Variants in PAQR5 observed in about 807,000 individuals in gnomAD.
PAQR5 encodes progestin and adipoQ receptor family member 5, also known as membrane progestin receptor gamma.
PAQR5 carries 20 observed loss-of-function variants against 34.5 expected under a neutral mutation model. The ratio of observed to expected loss-of-function variants is 0.58; its 90% CI spans 0.41 to 0.84. The LOEUF (loss-of-function observed/expected upper bound fraction) is 0.84, where lower values mean the gene tolerates loss of function less well. PAQR5 is among the 40% of genes least tolerant of loss of function. PAQR5 has a pLI of 0.00. For missense variants in PAQR5, 378 were observed against 412.7 expected (o/e 0.92, Z 0.73); for synonymous variants, 131 against 155.6 (o/e 0.84, Z 1.18).
At chr15:69,349,927 C>G (rs1367537290) in intron 2 of PAQR5, among the ~76,000 whole-genome samples, 1 of 152,088 alleles carries the variant, frequency 6.6e-6, no homozygotes, top group Non-Finnish European at 1.5e-5. Context: ...CAGGCGTGAG[C>G]CACGGTGCCC....
intron 1 of PAQR5, among the ~76,000 whole-genome samples, chr15:69,329,335 T>C (rs963128387): frequency 2.6e-4 from 40 of 151,796 alleles, no homozygotes; most frequent in African/African-American, 9.4e-4. Context: ...AGTAGATTGG[T>C]GGTTATCGGA....
At chr15:69,389,828 T>C (rs1185331735) in intron 6 of PAQR5, 48 bp downstream of exon 6, 3 of 1,604,112 alleles carry the variant, frequency 1.9e-6, no homozygotes, top group Admixed American at 1.7e-5. Context: ...GGGTCTTGCA[T>C]GCAGCTCCCT....
At chr15:69,336,821 T>C (rs992983426) in intron 1 of PAQR5, among the ~76,000 whole-genome samples, 3 of 152,242 alleles carry the variant, frequency 2.0e-5, no homozygotes, top group Non-Finnish European at 4.4e-5. Flanking sequence ...GGGAAACTTC[T>C]ATAATTCTGA....
intron 1 of PAQR5, among the ~76,000 whole-genome samples, chr15:69,336,111 TCTC>T (rs1440631366): frequency 6.6e-6 from 1 of 152,214 alleles, no homozygotes; most frequent in Non-Finnish European, 1.5e-5. Flanking sequence ...GAAAGCTAAG[TCTC>T]CTCTATCAGA....
At chr15:69,335,571 A>T (rs1337394361) in intron 1 of PAQR5, among the ~76,000 whole-genome samples, 26 of 77,424 alleles carry the variant, frequency 3.4e-4, no homozygotes, top group Admixed American at 2.7e-3. Context: ...TTTTTTTGAG[A>T]CAGAGTCTCA....
intron 8 of PAQR5, among the ~76,000 whole-genome samples, chr15:69,400,686 G>C (rs1263545815): frequency 6.6e-6 from 1 of 152,116 alleles, no homozygotes; most frequent in Non-Finnish European, 1.5e-5. Context: ...AAGAGAAAAA[G>C]TACATTGGGA....
rs143335512 is a variant in PAQR5 at position 69,331,732 on chromosome 15, C to T, written c.-276-5609C>T. ...GGAGTGGATCAGAAACAGGGAGCAACGGGAAAAAGTTTGAGCTTTACCAGA... is the reference window on the plus strand; with the variant it reads ...GGAGTGGATCAGAAACAGGGAGCAATGGGAAAAAGTTTGAGCTTTACCAGA... On this transcript the variant is annotated intron_variant, in intron 1 of 8. Transcript: ENST00000395407. Among the ~76,000 whole-genome samples the T allele has an allele frequency of 4.9e-3, 738 of 152,154 alleles. 13 individuals are homozygous for T. Among genetic ancestry groups the T allele is most frequent in the African/African-American group, 0.016 (678 of 41,506 alleles).
intron 1 of PAQR5, among the ~76,000 whole-genome samples, chr15:69,304,692 C>T (rs1219838405): frequency 6.6e-6 from 1 of 152,144 alleles, no homozygotes; most frequent in Non-Finnish European, 1.5e-5. Context: ...GTGAGTTTTG[C>T]CCAAGCCTCA....
rs201330461 is a variant in PAQR5, at chr15:69,390,320, TTTTATTTATTTATTTA to T, written c.512+568_512+583del. 7.5e-5 allele frequency among the ~76,000 whole-genome samples: 10 copies of T among 133,370 alleles called. 1 individual carries two copies. Among genetic ancestry groups the T allele is most frequent in the Admixed American group, 5.6e-4 (7 of 12,594 alleles). The allele number at this position is 133,370 out of a possible 152,430, so 87.5% of individuals were successfully genotyped here. On this transcript the variant is annotated intron_variant, in intron 6 of 8. Coordinates refer to ENST00000395407, the MANE Select transcript of PAQR5 (RefSeq NM_017705.4). ...CGTGAGCCATGGTGCCTGACCTGTTTTTTATTTATTTATTTATTTATTTATTTATTTATTTATTTAT... is the reference window on the plus strand; with the variant it reads ...CGTGAGCCATGGTGCCTGACCTGTTTTTTATTTATTTATTTATTTATTTAT...
chr15:69,312,163 G>C (rs1204657137), intron 1 of PAQR5, among the ~76,000 whole-genome samples: 1 of 152,176 alleles, frequency 6.6e-6, no homozygotes, highest in African/African-American at 2.4e-5. Flanking sequence ...AACTGAAAGA[G>C]GCTGGAGGAA....
At chr15:69,319,426 C>T (rs1236243990) in intron 1 of PAQR5, among the ~76,000 whole-genome samples, 3 of 151,262 alleles carry the variant, frequency 2.0e-5, no homozygotes, top group East Asian at 2.0e-4. Context: ...CCATGTGACC[C>T]GAACGAGCAC....
intron 3 of PAQR5, among the ~76,000 whole-genome samples, chr15:69,372,027 G>A (rs911281657): frequency 5.9e-5 from 9 of 152,184 alleles, no homozygotes; most frequent in African/African-American, 2.2e-4. Context: ...AATTTGGTAT[G>A]TGTTTCAGCA....
chr15:69,307,940 G>A lies in PAQR5; in HGVS notation c.-277+8884G>A, dbSNP rs562551110. On this transcript the variant is annotated intron_variant, in intron 1 of 8. Transcript: ENST00000395407. ...GGAGCAGCTGACTTGACAAGATGAGGAGTGGATAAACTTGGGCCTGGTGGC... is the reference window on the plus strand; with the variant it reads ...GGAGCAGCTGACTTGACAAGATGAGAAGTGGATAAACTTGGGCCTGGTGGC... 5.9e-5 allele frequency among the ~76,000 whole-genome samples: 9 copies of A among 152,334 alleles called. No homozygotes were observed. In the East Asian group the frequency reaches 1.5e-3, roughly 26 times the overall value.
At chr15:69,381,431 G>A (rs953964760) in intron 4 of PAQR5, among the ~76,000 whole-genome samples, 4 of 152,194 alleles carry the variant, frequency 2.6e-5, no homozygotes, top group Admixed American at 2.0e-4. Flanking sequence ...TCTGCTTGGT[G>A]TTCCATTTTC....
Position 69,310,054 on chromosome 15 carries a change from A to T in PAQR5, c.-277+10998A>T, listed in dbSNP as rs531864949. ...CAGAGTGAGACTCCATATTAAAAAA[A>T]AAACAAAAAAAACAAAACGAAACAA... On this transcript the variant is annotated intron_variant, in intron 1 of 8. Transcript: ENST00000395407. Among the ~76,000 whole-genome samples the T allele has an allele frequency of 7.7e-5, 7 of 90,862 alleles. No individual in the cohort carries two copies. The East Asian group carries it at 1.8e-3, about 23-fold the overall frequency. The allele number at this position is 90,862 out of a possible 152,430, so 59.6% of individuals were successfully genotyped here. A position where few individuals can be genotyped will look rare whatever the true frequency, so the allele number is the denominator to read the frequency against.
At chr15:69,375,693 C>T (rs2055687095) in intron 3 of PAQR5, among the ~76,000 whole-genome samples, 1 of 152,234 alleles carries the variant, frequency 6.6e-6, no homozygotes, top group Middle Eastern at 3.4e-3. Context: ...TGAATAAATG[C>T]CCTAACCTCT....
At chr15:69,365,388 G>A (rs535345589) in intron 3 of PAQR5, among the ~76,000 whole-genome samples, 13 of 152,292 alleles carry the variant, frequency 8.5e-5, no homozygotes, top group African/African-American at 1.9e-4. Context: ...GATTACAGGC[G>A]TGAGCCACCG....
At chr15:69,325,163 T>G (rs372018206) in intron 1 of PAQR5, among the ~76,000 whole-genome samples, 1 of 152,236 alleles carries the variant, frequency 6.6e-6, no homozygotes, top group African/African-American at 2.4e-5. Context: ...CCTCCCAGTG[T>G]GCTGGGCTTA....
intron 6 of PAQR5, among the ~76,000 whole-genome samples, chr15:69,390,904 C>T (rs972002211): frequency 1.3e-5 from 2 of 151,842 alleles, no homozygotes; most frequent in Admixed American, 6.6e-5. Context: ...ATAACTACAC[C>T]AATTTATTCA....
Sources: allele counts gnomAD v4.1 joint callset (sites outside exome capture counted in the v4.1 genomes callset), GRCh38; gene constraint gnomAD v4.1.1; transcripts MANE v1.5; gene names NCBI Gene and HGNC (gene_info 2026-07-23, HGNC 2026-07-21).